COL5A2: variants seen among roughly 807,000 people sequenced by gnomAD.
COL5A2 encodes collagen type V alpha 2 chain.
A neutral mutation model predicts 208.2 loss-of-function variants in COL5A2; 23 were observed. That is an observed-to-expected ratio of 0.11 (90% confidence interval 0.08 to 0.16). The LOEUF is 0.16. COL5A2 is among the 10% of genes least tolerant of loss of function. The pLI is 1.00. For missense variants in COL5A2, 1,590 were observed against 1,956.4 expected, an observed-to-expected ratio of 0.81 and a Z score of 3.53; for synonymous variants, 625 against 628.5, an observed-to-expected ratio of 0.99 and a Z score of 0.08.
At chr2:189,288,274 C>T in the COL5A2 span, among the ~76,000 whole-genome samples, 2 of 152,140 alleles carry the variant, frequency 1.3e-5, no homozygotes, top group Non-Finnish European at 2.9e-5. Flanking sequence ...TTGTCTTTCT[C>T]CTGCACATTA....
chr2:189,316,235 TA>T, the COL5A2 span, among the ~76,000 whole-genome samples: 1 of 151,900 alleles, frequency 6.6e-6, no homozygotes, highest in Non-Finnish European at 1.5e-5. Context: ...ATAGACTGGA[TA>T]AAAAAATGTG....
chr2:189,100,568 A>G (rs1480136850), intron 3 of COL5A2, among the ~76,000 whole-genome samples: 2 of 152,014 alleles, frequency 1.3e-5, no homozygotes, highest in East Asian at 3.8e-4. Context: ...CACTTTTATC[A>G]TATGACACAT....
intron 1 of COL5A2, among the ~76,000 whole-genome samples, chr2:189,137,566 C>CT (rs1385181404): frequency 1.3e-5 from 2 of 152,186 alleles, no homozygotes; most frequent in Non-Finnish European, 2.9e-5. Flanking sequence ...GAGGAAAATG[C>CT]TTTTTCTTAT....
At chr2:189,150,842 A>G (rs1194278322) in intron 1 of COL5A2, among the ~76,000 whole-genome samples, 1 of 152,178 alleles carries the variant, frequency 6.6e-6, no homozygotes, top group East Asian at 1.9e-4. Flanking sequence ...TATAGCATCC[A>G]TAAGTGGCTG....
chr2:189,396,628 C>T, the COL5A2 span, among the ~76,000 whole-genome samples: 1 of 145,024 alleles, frequency 6.9e-6, no homozygotes, highest in Non-Finnish European at 1.5e-5. Context: ...GAGCAGAGCT[C>T]GCGCCACTGC....
chr2:189,123,464 T>C (rs1307754275), intron 1 of COL5A2, among the ~76,000 whole-genome samples: 1 of 152,094 alleles, frequency 6.6e-6, no homozygotes, highest in African/African-American at 2.4e-5. Context: ...TGGAATATGA[T>C]GGGCCCTTAA....
chr2:189,296,216 G>A, the COL5A2 span, among the ~76,000 whole-genome samples: 20 of 151,766 alleles, frequency 1.3e-4, no homozygotes, highest in African/African-American at 4.6e-4. Flanking sequence ...CTACTGTTAA[G>A]GCCATCTGAA....
the COL5A2 span, among the ~76,000 whole-genome samples, chr2:189,267,057 A>G: frequency 1.3e-5 from 2 of 152,102 alleles, no homozygotes; most frequent in Non-Finnish European, 2.9e-5. Context: ...ACAAGAATAT[A>G]TAATACAATG....
the COL5A2 span, among the ~76,000 whole-genome samples, chr2:189,270,619 G>A: frequency 4.1e-3 from 623 of 151,998 alleles, 14 homozygotes; most frequent in Admixed American, 0.022. Context: ...ATTCTTTTGC[G>A]TTTGCTGAAG....
chr2:189,097,885 C>T (rs2105684648), intron 5 of COL5A2, among the ~76,000 whole-genome samples: 1 of 152,278 alleles, frequency 6.6e-6, no homozygotes, highest in East Asian at 1.9e-4. Context: ...TTTCTTTTTA[C>T]TTTACTTAGA....
rs969141905 is a variant in COL5A2 at position 189,064,766 on chromosome 2, A to G, written c.1618-111T>C. The G allele has an allele frequency of 1.8e-5, 16 of 881,408 alleles. No homozygotes were observed. The African/African-American group carries it at 2.5e-4, about 14-fold the overall frequency. 54.6% of individuals were successfully genotyped at this position (881,408 alleles called of 1,614,324 possible). A position where few individuals can be genotyped will look rare whatever the true frequency, so the allele number is the denominator to read the frequency against. On this transcript the variant is annotated intron_variant, in intron 24 of 53. Coordinates refer to ENST00000374866, the MANE Select transcript of COL5A2 (RefSeq NM_000393.5). ...AAGGCACTAATATAACATACAAATC[A>G]AGGCACTGATATAACGTATAAAATT...
chr2:189,224,014 G>A (rs549861263), intron 1 of COL5A2, among the ~76,000 whole-genome samples: 30 of 151,986 alleles, frequency 2.0e-4, no homozygotes, highest in African/African-American at 3.1e-4. Context: ...GAAAAATTAC[G>A]TAAAATATAT....
chr2:189,307,997 G>A, the COL5A2 span, among the ~76,000 whole-genome samples: 19 of 151,882 alleles, frequency 1.3e-4, no homozygotes, highest in Non-Finnish European at 2.9e-5. Context: ...TAATAAACTC[G>A]CTTTTGCTTT....
the COL5A2 span, among the ~76,000 whole-genome samples, chr2:189,336,591 T>C: frequency 6.6e-6 from 1 of 152,220 alleles, no homozygotes; most frequent in Non-Finnish European, 1.5e-5. Context: ...CTTACATATA[T>C]TTTGACTCAA....
intron 33 of COL5A2, among the ~76,000 whole-genome samples, chr2:189,057,914 C>T (rs902315146): frequency 6.6e-6 from 1 of 152,146 alleles, no homozygotes; most frequent in East Asian, 1.9e-4. Context: ...AATTCTACTT[C>T]AATTGTTTAT....
intron 1 of COL5A2, among the ~76,000 whole-genome samples, chr2:189,210,687 C>T (rs1689201425): frequency 6.6e-6 from 1 of 152,150 alleles, no homozygotes; most frequent in Admixed American, 6.5e-5. Context: ...TCATCTATAA[C>T]GTTTTTCAAA....
chr2:189,156,039 T>A, intron 1 of COL5A2, among the ~76,000 whole-genome samples: 1 of 152,200 alleles, frequency 6.6e-6, no homozygotes, highest in East Asian at 1.9e-4. Context: ...TTTCTTTTTT[T>A]AGAAGGATGC....
At chr2:189,168,318 A>T (rs1263875590) in intron 1 of COL5A2, among the ~76,000 whole-genome samples, 1 of 151,454 alleles carries the variant, frequency 6.6e-6, no homozygotes, top group Non-Finnish European at 1.5e-5. Flanking sequence ...CTCTCAAAGC[A>T]AATATAGCCC....
chr2:189,259,372 A>C, the COL5A2 span, among the ~76,000 whole-genome samples: 1 of 152,192 alleles, frequency 6.6e-6, no homozygotes, highest in African/African-American at 2.4e-5. Flanking sequence ...CCTCAGTAAC[A>C]GTATGATTGT....
Sources: gnomAD v4.1 joint callset for allele counts (sites outside exome capture counted in the v4.1 genomes callset) on GRCh38, gnomAD v4.1.1 for gene constraint, MANE v1.5 for transcripts, NCBI Gene and HGNC (gene_info 2026-07-23, HGNC 2026-07-21) for gene names.